The following MYO1D variants were observed in gnomAD, a reference collection of about 807,000 sequenced individuals.
The protein encoded by MYO1D is myosin ID.
MYO1D carries 83 observed loss-of-function variants against 122.0 expected under a neutral mutation model. That is an observed-to-expected ratio of 0.68 (90% confidence interval 0.57 to 0.82). The LOEUF is 0.82. Ranked by LOEUF, MYO1D falls within the 40% of genes least tolerant of loss-of-function variation. MYO1D has a pLI of 0.00. For synonymous variants in MYO1D, 464 were observed against 446.9 expected (o/e 1.04, Z -0.48); for missense variants, 1,157 against 1,269.5 (o/e 0.91, Z 1.35).
chr17:32,741,224 T>TA (rs58505921), intron 13 of MYO1D, among the ~76,000 whole-genome samples: 2,129 of 100,190 alleles, frequency 0.021, 27 homozygotes, highest in South Asian at 0.027. Flanking sequence ...ATACCACTTC[T>TA]AAAAAAAAAA....
chr17:32,562,671 C>T (rs966213744), intron 21 of MYO1D, among the ~76,000 whole-genome samples: 2 of 151,836 alleles, frequency 1.3e-5, no homozygotes, highest in Non-Finnish European at 2.9e-5. Context: ...TTTGTAGAGA[C>T]GAGGTTCTGC....
chr17:32,761,605 A>G (rs1318077543), intron 8 of MYO1D, among the ~76,000 whole-genome samples: 1 of 152,036 alleles, frequency 6.6e-6, no homozygotes, highest in Non-Finnish European at 1.5e-5. Flanking sequence ...TTCACTCTCT[A>G]GCACCTTCTA....
intron 21 of MYO1D, among the ~76,000 whole-genome samples, chr17:32,519,610 G>A (rs1276390446): frequency 2.0e-5 from 3 of 151,724 alleles, no homozygotes; most frequent in African/African-American, 7.3e-5. Flanking sequence ...GCAGCCCCCC[G>A]CAGCCCCGGC....
chr17:32,821,923 A>G lies in MYO1D; in HGVS notation c.96-41139T>C, dbSNP rs181241111. ...AAATAGGAACACTTTTACACTGTTG[A>G]TGGGACTGTAAACTAGTTCAACCAT... On this transcript the variant is annotated intron_variant, in intron 1 of 21. Transcript: ENST00000318217. 1.9e-3 allele frequency among the ~76,000 whole-genome samples: 292 copies of G among 152,244 alleles called. 7 individuals are homozygous for G. The East Asian group carries it at 0.047, about 24-fold the overall frequency.
intron 21 of MYO1D, among the ~76,000 whole-genome samples, chr17:32,516,905 G>C (rs1172865522): frequency 6.6e-6 from 1 of 152,208 alleles, no homozygotes; most frequent in Admixed American, 6.5e-5. Flanking sequence ...TGGTGTAAAT[G>C]GGCTGGGCCA....
chr17:32,738,521 G>C, intron 13 of MYO1D, 136 bp from the exon 14 acceptor site: 11 of 875,284 alleles, frequency 1.3e-5, no homozygotes, highest in Non-Finnish European at 1.8e-5. Context: ...TAATTGGAAT[G>C]ATGATTCCAT....
chr17:32,741,269 T>C (rs750397590), intron 13 of MYO1D, among the ~76,000 whole-genome samples: 3 of 146,874 alleles, frequency 2.0e-5, no homozygotes, highest in East Asian at 2.0e-4. Flanking sequence ...TATTAACATA[T>C]ACAAAGAAAA....
intron 20 of MYO1D, among the ~76,000 whole-genome samples, chr17:32,607,037 G>C (rs2087636660): frequency 6.6e-6 from 1 of 152,146 alleles, no homozygotes; most frequent in African/African-American, 2.4e-5. Context: ...GCAGGCGCCT[G>C]TAATCCCAGC....
intron 12 of MYO1D, among the ~76,000 whole-genome samples, chr17:32,746,222 C>G (rs1344533785): frequency 6.6e-6 from 1 of 152,158 alleles, no homozygotes; most frequent in Non-Finnish European, 1.5e-5. Flanking sequence ...TTGCCTGCCC[C>G]GACCTAGGTC....
intron 6 of MYO1D, 83 bp from the exon 7 acceptor site, chr17:32,767,835 A>G: frequency 1.0e-6 from 1 of 999,214 alleles, no homozygotes; most frequent in East Asian, 2.5e-5. Flanking sequence ...AAGTTATACC[A>G]AGGTTTTGCC....
At chr17:32,760,257 A>C (rs2089986096) in intron 10 of MYO1D, 33 bp downstream of exon 10, 5 of 1,500,290 alleles carry the variant, frequency 3.3e-6, no homozygotes, top group African/African-American at 1.4e-5. Context: ...TATGAGAAAC[A>C]CATGAAGGCA....
At chr17:32,811,194 C>G (rs143802161) in intron 1 of MYO1D, among the ~76,000 whole-genome samples, 2 of 152,300 alleles carry the variant, frequency 1.3e-5, no homozygotes, top group East Asian at 3.9e-4. Flanking sequence ...CTTCCAACTG[C>G]CTATAGGATA....
intron 19 of MYO1D, among the ~76,000 whole-genome samples, chr17:32,644,457 C>T (rs1365431697): frequency 6.6e-6 from 1 of 152,094 alleles, no homozygotes; most frequent in Non-Finnish European, 1.5e-5. Context: ...GAGTTCAATT[C>T]CTGGATATCC....
chr17:32,781,069 G>A (rs1047190210), intron 1 of MYO1D, among the ~76,000 whole-genome samples: 2 of 152,158 alleles, frequency 1.3e-5, no homozygotes, highest in African/African-American at 4.8e-5. Context: ...AGGGTAAGAA[G>A]ATGAAAAAGC....
intron 16 of MYO1D, among the ~76,000 whole-genome samples, chr17:32,694,079 T>C (rs901528227): frequency 6.6e-6 from 1 of 152,246 alleles, no homozygotes; most frequent in Non-Finnish European, 1.5e-5. Context: ...CTAATAGCGC[T>C]GCTTAGTAAT....
chr17:32,776,799 C>T (rs1012771850), intron 3 of MYO1D, among the ~76,000 whole-genome samples: 5 of 152,170 alleles, frequency 3.3e-5, no homozygotes, highest in Admixed American at 3.3e-4. Context: ...TCGACGAATG[C>T]TAACTTTCTA....
At chr17:32,717,018 C>T (rs2089456259) in intron 15 of MYO1D, among the ~76,000 whole-genome samples, 1 of 152,128 alleles carries the variant, frequency 6.6e-6, no homozygotes. Flanking sequence ...AGGTTCAAAC[C>T]TAAACTACTT....
chr17:32,847,254 A>C (rs1034308152), intron 1 of MYO1D, among the ~76,000 whole-genome samples: 2 of 152,242 alleles, frequency 1.3e-5, no homozygotes, highest in African/African-American at 4.8e-5. Context: ...AGTACCAAAA[A>C]CTATCATGCA....
Position 32,760,559 on chromosome 17 carries a change from A to G in MYO1D, c.1104T>C (p.Tyr368=). 6.2e-7 allele frequency: 1 copy of G among 1,613,870 alleles called. No individual in the cohort carries two copies. Among genetic ancestry groups the G allele is most frequent in the Non-Finnish European group, 8.5e-7 (1 of 1,179,794 alleles). ...TGTTTTTCCCATGGATTGTGGTGTC[A>G]TAGTTCTTGACCTCAATAATATCAT... The part of the protein sequence containing the change: ...RINDIIEVKN[Y]DTTIHGKNTV... The change falls in exon 9 of 22, where the codon TAT becomes TAC. Residue 368 remains tyrosine, a synonymous_variant. Transcript: ENST00000318217.
Sources: allele counts gnomAD v4.1 joint callset (sites outside exome capture counted in the v4.1 genomes callset), GRCh38; gene constraint gnomAD v4.1.1; transcripts MANE v1.5; gene names NCBI Gene and HGNC (gene_info 2026-07-23, HGNC 2026-07-21).